The following MLXIP variants were observed in gnomAD, a reference collection of about 807,000 sequenced individuals.
MLXIP encodes MLX interacting protein.
A neutral mutation model predicts 87.2 loss-of-function variants in MLXIP; 30 were observed. The observed-to-expected ratio is 0.34, with a 90% CI of 0.26 to 0.47. The LOEUF (loss-of-function observed/expected upper bound fraction) is 0.47, where lower values mean the gene tolerates loss of function less well. MLXIP is among the 20% of genes least tolerant of loss of function. MLXIP has a pLI of 1.00. For synonymous variants in MLXIP, 530 were observed against 514.0 expected (o/e 1.03, Z -0.42); for missense variants, 1,002 against 1,240.1 (o/e 0.81, Z 2.88).
chr12:122,111,727 A>G (rs867966941), intron 1 of MLXIP, among the ~76,000 whole-genome samples: 9 of 152,146 alleles, frequency 5.9e-5, no homozygotes, highest in South Asian at 2.1e-4. Flanking sequence ...TCCTTTTTAT[A>G]TTATTTAGAA....
rs537830326 is a variant in MLXIP, at chr12:122,135,339, C to T, written c.1848C>T (p.Ile616=). ...QSNVVIAPAA[I]ARAPGVPEFH... ...ACGTGGTCATTGCGCCTGCTGCCAT[C>T]GCCAGGGTGAGGAGGGCCCTAGGCA... is the stretch of plus-strand genomic sequence containing the variant. The change falls in exon 10 of 17, where the codon ATC becomes ATT. Residue 616 remains isoleucine, a synonymous_variant. Coordinates refer to ENST00000319080, the MANE Select transcript of MLXIP (RefSeq NM_014938.6). The surrounding 1 kb of genome is among the most constrained non-coding windows in gnomAD (Gnocchi z 5.3). The T allele has an allele frequency of 2.1e-5, 34 of 1,612,790 alleles. No homozygotes were observed. Among genetic ancestry groups the T allele is most frequent in the South Asian group, 5.5e-5 (5 of 90,998 alleles).
intron 9 of MLXIP, 176 bp downstream of exon 9, chr12:122,134,163 T>G: frequency 1.3e-6 from 1 of 767,782 alleles, no homozygotes; most frequent in Non-Finnish European, 1.9e-6. Flanking sequence ...GGCCATGATC[T>G]AGTCCGTTTT....
chr12:122,110,928 T>G (rs1179042869), intron 1 of MLXIP, among the ~76,000 whole-genome samples: 2 of 151,648 alleles, frequency 1.3e-5, no homozygotes, highest in Non-Finnish European at 2.9e-5. Flanking sequence ...ATACAAAAAA[T>G]TAGCCGGGCG....
intron 1 of MLXIP, among the ~76,000 whole-genome samples, chr12:122,103,088 C>T (rs1446396680): frequency 1.3e-5 from 2 of 152,146 alleles, no homozygotes; most frequent in African/African-American, 4.8e-5. Context: ...TCTGCAGCCT[C>T]GACCTCCCAG....
intron 1 of MLXIP, among the ~76,000 whole-genome samples, chr12:122,102,561 TC>T (rs1952453312): frequency 6.6e-6 from 1 of 152,054 alleles, no homozygotes; most frequent in Non-Finnish European, 1.5e-5. Flanking sequence ...TTCCTAAGAA[TC>T]TCCCCAAGAG....
At chr12:122,090,949 G>C (rs1952237233) in intron 1 of MLXIP, among the ~76,000 whole-genome samples, 1 of 152,084 alleles carries the variant, frequency 6.6e-6, no homozygotes, top group African/African-American at 2.4e-5. Flanking sequence ...TGGCTGCCAA[G>C]GGCTGGGGAA....
Position 122,138,496 on chromosome 12 carries a change from C to G in MLXIP, c.2329C>G (p.Gln777Glu), listed in dbSNP as rs1409478076. 6.2e-7 allele frequency: 1 copy of G among 1,613,970 alleles called. No individual in the cohort carries two copies. Among genetic ancestry groups the G allele is most frequent in the East Asian group, 2.2e-5 (1 of 44,888 alleles). ...TKLQQERGQM[Q>E]EEARRLREEI... ...GCTGCAGCAGGAGAGAGGCCAGATG[C>G]AGGAGGAGGCCCGGCGGCTGCGGGA... Residue 777 changes from glutamine to glutamate, a missense_variant, in exon 14 of 17, where the codon CAG becomes GAG. Coordinates refer to ENST00000319080, the MANE Select transcript of MLXIP (RefSeq NM_014938.6).
At chr12:122,082,962 G>A (rs985125158) in intron 1 of MLXIP, among the ~76,000 whole-genome samples, 1 of 152,268 alleles carries the variant, frequency 6.6e-6, no homozygotes, top group East Asian at 1.9e-4. Context: ...CTGGGACTGC[G>A]GGCACGCACT....
intron 1 of MLXIP, among the ~76,000 whole-genome samples, chr12:122,108,367 CAAAAAA>C (rs61424369): frequency 5.0e-5 from 4 of 80,546 alleles, no homozygotes; most frequent in African/African-American, 9.7e-5. Flanking sequence ...GACTCCATCT[CAAAAAA>C]AAAAAAAAAA....
At chr12:122,093,269 G>A (rs1300072424) in intron 1 of MLXIP, among the ~76,000 whole-genome samples, 2 of 146,072 alleles carry the variant, frequency 1.4e-5, no homozygotes, top group African/African-American at 5.1e-5. Context: ...GNGGGTGTGG[G>A]GTGTGCATTT....
In MLXIP at chr12:122,079,038, G is replaced by C. The variant is rs1555225823; in HGVS notation, c.185G>C (p.Arg62Pro). 6 of 1,397,978 alleles carry C rather than the reference G, an allele frequency of 4.3e-6. No individual in the cohort carries two copies. Among genetic ancestry groups the C allele is most frequent in the South Asian group, 1.4e-5 (1 of 69,744 alleles). 86.6% of individuals were successfully genotyped at this position (1,397,978 alleles called of 1,614,324 possible). A position where few individuals can be genotyped will look rare whatever the true frequency, so the allele number is the denominator to read the frequency against. ...GCGAGCGCCGCGCCACCGCCGCCTC[G>C]GGCCGGGCCGGGCCGCGAGGAACCT... ...AHASAAPPPP[R>P]AGPGREEPPR... is the part of the protein sequence containing the mutation. The change falls in exon 1 of 17, where the codon CGG becomes CCG. Residue 62 changes from arginine to proline, a missense_variant. Arg to Pro is a moderately radical substitution (Grantham distance 103). Around this residue, in one of 3 missense-constraint regions of MLXIP, gnomAD observed 129 missense variants for 104.2 expected, o/e 1.24. Transcript: ENST00000319080.
In MLXIP at chr12:122,135,551, C is replaced by T; in HGVS notation, c.1917C>T (p.Ser639=). 1.9e-6 allele frequency: 3 copies of T among 1,604,830 alleles called. No homozygotes were observed. The highest frequency in any genetic ancestry group is 2.5e-6 in the Non-Finnish European group (3 of 1,176,488). ...ILVTDLGHGT[S]SPPAPVSRLF... ...TGACAGATCTCGGCCATGGCACGAG[C>T]AGCCCGCCTGCCCCCGTCTCCCGGC... The change falls in exon 11 of 17, where the codon AGC becomes AGT. Residue 639 remains serine (S), a synonymous_variant. Transcript: ENST00000319080. This position sits in a 1 kb window ranked among gnomAD's most constrained non-coding sequence, Gnocchi z 5.3.
intron 9 of MLXIP, 58 bp downstream of exon 9, chr12:122,134,045 C>T (rs987527927): frequency 6.6e-7 from 1 of 1,512,140 alleles, no homozygotes; most frequent in Admixed American, 2.2e-5. Context: ...GGATGTTTTC[C>T]CATCCCAAAG....
intron 1 of MLXIP, among the ~76,000 whole-genome samples, chr12:122,093,609 G>C (rs1289338313): frequency 7.7e-6 from 1 of 130,260 alleles, no homozygotes; most frequent in Non-Finnish European, 1.7e-5. Context: ...GTGTGTTTGT[G>C]GTGTGTGTGT....
intron 1 of MLXIP, among the ~76,000 whole-genome samples, chr12:122,121,139 A>G (rs1952777231): frequency 6.7e-6 from 1 of 150,200 alleles, no homozygotes; most frequent in Non-Finnish European, 1.5e-5. Context: ...CCTCCCAAGT[A>G]GGTGGGACTA....
In MLXIP at chr12:122,141,096, G is replaced by A. The variant is rs1953194193; in HGVS notation, c.2638+13G>A. The A allele has an allele frequency of 1.2e-6, 2 of 1,602,504 alleles. No homozygotes were observed. Among genetic ancestry groups the A allele is most frequent in the Non-Finnish European group, 1.7e-6 (2 of 1,175,690 alleles). ...ATCCTCAGGCCGAGTGAGTGGGGCAGTGCCAGGGTGGGGGGCTTCATGCTA... is the reference window on the plus strand; with the variant it reads ...ATCCTCAGGCCGAGTGAGTGGGGCAATGCCAGGGTGGGGGGCTTCATGCTA... On this transcript the variant is annotated intron_variant, in intron 16 of 16. Coordinates refer to ENST00000319080, the MANE Select transcript of MLXIP (RefSeq NM_014938.6).
At chr12:122,110,815 C>T (rs967238997) in intron 1 of MLXIP, among the ~76,000 whole-genome samples, 1 of 151,694 alleles carries the variant, frequency 6.6e-6, no homozygotes, top group Admixed American at 6.6e-5. Flanking sequence ...CAGTGGCTCA[C>T]GCCTGTAATC....
intron 1 of MLXIP, among the ~76,000 whole-genome samples, chr12:122,114,759 G>T (rs796882064): frequency 0.026 from 1,075 of 40,572 alleles, 20 homozygotes; most frequent in African/African-American, 0.13. Flanking sequence ...TTTTTTTGGT[G>T]GGGGGGGACA....
chr12:122,118,729 T>C (rs1220468375), intron 1 of MLXIP, among the ~76,000 whole-genome samples: 1 of 151,372 alleles, frequency 6.6e-6, no homozygotes, highest in Non-Finnish European at 1.5e-5. Flanking sequence ...ACGCCTGTTA[T>C]CCCAGCTACT....
Sources: gnomAD v4.1 joint callset for allele counts (sites outside exome capture counted in the v4.1 genomes callset) on GRCh38, gnomAD v4.1.1 for gene constraint, gnomAD v4.1.1 regional missense constraint, Gnocchi (gnomAD v3.1) non-coding constraint, MANE v1.5 for transcripts, NCBI Gene and HGNC (gene_info 2026-07-23, HGNC 2026-07-21) for gene names.